Variants in SIPA1L1 observed in about 807,000 individuals in gnomAD.
The protein encoded by SIPA1L1 is signal-induced proliferation-associated 1-like protein 1.
A neutral mutation model predicts 162.7 loss-of-function variants in SIPA1L1; 26 were observed. The ratio of observed to expected loss-of-function variants is 0.16; its 90% confidence interval spans 0.12 to 0.22. The LOEUF (loss-of-function observed/expected upper bound fraction) is 0.22, where lower values mean the gene tolerates loss of function less well. SIPA1L1 is among the 10% of genes least tolerant of loss of function. The pLI, the probability that SIPA1L1 is intolerant of heterozygous loss-of-function variation, is 1.00. For synonymous variants in SIPA1L1, 829 were observed against 837.4 expected (o/e 0.99, Z 0.17); for missense variants, 1,874 against 2,241.0 (o/e 0.84, Z 3.31).
chr14:71,728,165 G>A (rs956620040), intron 19 of SIPA1L1, among the ~76,000 whole-genome samples: 1 of 152,146 alleles, frequency 6.6e-6, no homozygotes, highest in African/African-American at 2.4e-5. Context: ...AGAAATCTGA[G>A]ATCTGACCTG....
chr14:71,730,440 T>C, intron 20 of SIPA1L1, 139 bp downstream of exon 20: 1 of 976,038 alleles, frequency 1.0e-6, no homozygotes, highest in Non-Finnish European at 1.5e-6. Context: ...CCCTTCCTCA[T>C]TTGCCCTCTC....
At chr14:71,657,674 C>CTTT (rs11320179) in intron 8 of SIPA1L1, among the ~76,000 whole-genome samples, 123 of 144,120 alleles carry the variant, frequency 8.5e-4, no homozygotes, top group African/African-American at 3.0e-3. Context: ...AAATTATTGT[C>CTTT]TTTTTTTTTT....
At chr14:71,376,488 T>TA (rs2039382457) in intron 2 of SIPA1L1, among the ~76,000 whole-genome samples, 1 of 150,762 alleles carries the variant, frequency 6.6e-6, no homozygotes, top group Admixed American at 6.6e-5. Context: ...CTTGAAAAAC[T>TA]AAAAAATCAG....
At chr14:71,374,493 CAG>C (rs1347031850) in intron 2 of SIPA1L1, among the ~76,000 whole-genome samples, 1 of 151,606 alleles carries the variant, frequency 6.6e-6, no homozygotes, top group Non-Finnish European at 1.5e-5. Flanking sequence ...TTTATTAAGA[CAG>C]AAACTGACAG....
chr14:71,661,426 C>T lies in SIPA1L1; in HGVS notation c.2214C>T (p.Ile738=), dbSNP rs778418667. 1.1e-5 allele frequency: 18 copies of T among 1,613,912 alleles called. No homozygotes were observed. Among genetic ancestry groups the T allele is most frequent in the Admixed American group, 1.7e-5 (1 of 59,982 alleles). ...CCCACTTCCAGCACGTTTTCGTCATCGTCAGGGTGCACAATCCGTGCTCTG... is the reference window on the plus strand; with the variant it reads ...CCCACTTCCAGCACGTTTTCGTCATTGTCAGGGTGCACAATCCGTGCTCTG... ...IRSHFQHVFV[I]VRVHNPCSDS... is the part of the protein sequence containing the mutation. The change falls in exon 10 of 24, where the codon ATC becomes ATT. Residue 738 remains isoleucine, a synonymous_variant. Transcript: ENST00000381232.
rs919909476 is a variant in SIPA1L1 at position 71,453,389 on chromosome 14, A to G, written c.-464-59354A>G. ...AGCAGTCCTCCCACCTCAGCCTCCT[A>G]AATAGCTAGGACTGCAGGTGTGTGC... is the stretch of plus-strand genomic sequence containing the variant. On this transcript the variant is annotated intron_variant, in intron 2 of 23. Coordinates refer to ENST00000381232, the MANE Select transcript of SIPA1L1 (RefSeq NM_001386936.1). Among the ~76,000 whole-genome samples the G allele has an allele frequency of 2.0e-5, 3 of 152,106 alleles. No individual in the cohort carries two copies. In the East Asian group the frequency reaches 5.8e-4, roughly 29 times the overall value.
chr14:71,337,348 G>C (rs1209226935), intron 2 of SIPA1L1, among the ~76,000 whole-genome samples: 1 of 152,158 alleles, frequency 6.6e-6, no homozygotes, highest in East Asian at 1.9e-4. Flanking sequence ...ACTTTGGGAG[G>C]CTGTATCAGT....
At chr14:71,323,641 TC>T (rs969351380) in intron 2 of SIPA1L1, among the ~76,000 whole-genome samples, 3 of 152,170 alleles carry the variant, frequency 2.0e-5, no homozygotes, top group Admixed American at 6.5e-5. Context: ...CTTTTTTTTT[TC>T]CCCTTTGGAT....
intron 5 of SIPA1L1, among the ~76,000 whole-genome samples, chr14:71,590,021 TAAAAAAAAA>T (rs200463823): frequency 2.3e-3 from 195 of 85,058 alleles, no homozygotes; most frequent in African/African-American, 5.5e-3. Context: ...AGTGGGAGAG[TAAAAAAAAA>T]AAAAAAAAAA....
At chr14:71,360,430 A>G (rs1333365789) in intron 2 of SIPA1L1, among the ~76,000 whole-genome samples, 1 of 152,220 alleles carries the variant, frequency 6.6e-6, no homozygotes, top group African/African-American at 2.4e-5. Flanking sequence ...TATCTATCAC[A>G]CAGCTAGTTA....
In SIPA1L1 at chr14:71,407,872, G is replaced by C. The variant is rs528703470; in HGVS notation, c.-465+86691G>C. Among the ~76,000 whole-genome samples, 7 of 152,154 alleles carry C rather than the reference G, an allele frequency of 4.6e-5. No individual in the cohort carries two copies. In the East Asian group the frequency reaches 1.2e-3, roughly 25 times the overall value. On this transcript the variant is annotated intron_variant, in intron 2 of 23. Coordinates refer to ENST00000381232, the MANE Select transcript of SIPA1L1 (RefSeq NM_001386936.1). The stretch of plus-strand genomic sequence containing the variant: ...GGAGCTTAGCAGGATTTTTTGTTTT[G>C]TTTTGTTTTTTTGTAGGCGAAGCTA...
At chr14:71,345,890 A>G (rs1025984324) in intron 2 of SIPA1L1, among the ~76,000 whole-genome samples, 2 of 150,552 alleles carry the variant, frequency 1.3e-5, no homozygotes, top group African/African-American at 2.4e-5. Context: ...TCTTATATGC[A>G]TCCCTGAATA....
intron 2 of SIPA1L1, among the ~76,000 whole-genome samples, chr14:71,402,737 G>C (rs1346735562): frequency 6.6e-6 from 1 of 152,090 alleles, no homozygotes; most frequent in South Asian, 2.1e-4. Context: ...TATTGGTTAT[G>C]TGATGTAAAG....
intron 2 of SIPA1L1, chr14:71,497,894 G>A (rs2049913393): frequency 6.6e-6 from 1 of 152,210 alleles, no homozygotes; most frequent in African/African-American, 2.4e-5. Flanking sequence ...CATAGGGTAA[G>A]TGCTTTATGA....
chr14:71,702,041 TGTGA>T (rs766375935), intron 14 of SIPA1L1, among the ~76,000 whole-genome samples: 9 of 152,252 alleles, frequency 5.9e-5, no homozygotes, highest in Non-Finnish European at 1.2e-4. Context: ...TTCTTTTGGC[TGTGA>T]GTAAGTCTGA....
At chr14:71,541,498 G>A (rs1292762738) in intron 4 of SIPA1L1, among the ~76,000 whole-genome samples, 1 of 152,122 alleles carries the variant, frequency 6.6e-6, no homozygotes, top group East Asian at 1.9e-4. Context: ...GGCAGCTCAT[G>A]CCTATAATCC....
At chr14:71,564,705 G>A (rs2146747421) in intron 4 of SIPA1L1, among the ~76,000 whole-genome samples, 1 of 151,966 alleles carries the variant, frequency 6.6e-6, no homozygotes, top group East Asian at 1.9e-4. Context: ...TAGCCAGGCT[G>A]GTCTCGAACT....
chr14:71,603,851 G>A (rs2037106669), intron 5 of SIPA1L1, among the ~76,000 whole-genome samples: 1 of 150,432 alleles, frequency 6.6e-6, no homozygotes, highest in Non-Finnish European at 1.5e-5. Flanking sequence ...GGAGGTGGAG[G>A]TTGCGGTGAG....
chr14:71,392,569 C>G (rs2040844977), intron 2 of SIPA1L1, among the ~76,000 whole-genome samples: 1 of 152,174 alleles, frequency 6.6e-6, no homozygotes, highest in Non-Finnish European at 1.5e-5. Context: ...GCTCTGTCGC[C>G]CAGGCTGGAG....
Sources: gnomAD v4.1 joint callset for allele counts (sites outside exome capture counted in the v4.1 genomes callset) on GRCh38, gnomAD v4.1.1 for gene constraint, MANE v1.5 for transcripts, NCBI Gene and HGNC (gene_info 2026-07-23, HGNC 2026-07-21) for gene names.